PDE8B: variants seen among roughly 807,000 people sequenced by gnomAD.
The protein encoded by PDE8B is high affinity cAMP-specific and IBMX-insensitive 3',5'-cyclic phosphodiesterase 8B.
In PDE8B, 26 loss-of-function variants were observed where a neutral mutation model predicts 101.3. The observed-to-expected ratio is 0.26, with a 90% CI of 0.19 to 0.36. PDE8B has a LOEUF of 0.36. PDE8B is among the 10% of genes least tolerant of loss of function. The pLI, the probability that PDE8B is intolerant of heterozygous loss-of-function variation, is 1.00. For synonymous variants in PDE8B, 424 were observed against 429.3 expected (o/e 0.99, Z 0.15); for missense variants, 810 against 1,163.1 (o/e 0.70, Z 4.42).
chr5:77,126,080 A>G, the PDE8B span, among the ~76,000 whole-genome samples: 3 of 152,090 alleles, frequency 2.0e-5, no homozygotes, highest in Admixed American at 6.6e-5. Flanking sequence ...AGGTCAGGAG[A>G]TCGAGACCAT....
At chr5:77,308,444 A>C (rs1281559265) in intron 1 of PDE8B, among the ~76,000 whole-genome samples, 1 of 152,150 alleles carries the variant, frequency 6.6e-6, no homozygotes, top group Non-Finnish European at 1.5e-5. Flanking sequence ...TACGAGAGGC[A>C]GGGGTTTGGA....
At chr5:77,347,357 C>T (rs913886375) in intron 7 of PDE8B, among the ~76,000 whole-genome samples, 2 of 152,176 alleles carry the variant, frequency 1.3e-5, no homozygotes, top group Admixed American at 1.3e-4. Flanking sequence ...GGTGCCTTGG[C>T]TCCAGAATCC....
intron 8 of PDE8B, 23 bp downstream of exon 8, chr5:77,349,582 A>G (rs753396515): frequency 1.9e-6 from 3 of 1,613,742 alleles, no homozygotes; most frequent in Non-Finnish European, 2.5e-6. Context: ...AGCAAAACCA[A>G]TCCACGAACC....
the PDE8B span, among the ~76,000 whole-genome samples, chr5:77,107,219 A>C: frequency 6.6e-6 from 1 of 152,206 alleles, no homozygotes; most frequent in African/African-American, 2.4e-5. Flanking sequence ...TGTCCCTACA[A>C]AGGACACGAA....
intron 5 of PDE8B, among the ~76,000 whole-genome samples, chr5:77,333,557 G>T (rs552181568): frequency 2.0e-5 from 3 of 152,096 alleles, no homozygotes. Flanking sequence ...GGGTTTTATC[G>T]ATCAGGACCC....
chr5:77,341,777 G>C (rs527545809), intron 6 of PDE8B, among the ~76,000 whole-genome samples: 2 of 152,268 alleles, frequency 1.3e-5, no homozygotes, highest in South Asian at 4.2e-4. Context: ...GACAAATTTG[G>C]TAGCAGTTTT....
At chr5:77,399,659 CATTT>C (rs1204922147) in intron 10 of PDE8B, among the ~76,000 whole-genome samples, 1 of 152,150 alleles carries the variant, frequency 6.6e-6, no homozygotes, top group Non-Finnish European at 1.5e-5. Flanking sequence ...ATTTGACAGA[CATTT>C]ATTGAGCATT....
the PDE8B span, among the ~76,000 whole-genome samples, chr5:77,195,078 A>G: frequency 1.3e-5 from 2 of 152,166 alleles, no homozygotes; most frequent in African/African-American, 2.4e-5. Flanking sequence ...GAGGCTGGGT[A>G]ATTTAAGAGA....
chr5:77,122,961 A>G, the PDE8B span, among the ~76,000 whole-genome samples: 1 of 152,202 alleles, frequency 6.6e-6, no homozygotes, highest in Non-Finnish European at 1.5e-5. Context: ...ATTGTGATTC[A>G]GGGAGATGAA....
intron 1 of PDE8B, among the ~76,000 whole-genome samples, chr5:77,231,333 A>G (rs568966354): frequency 6.6e-6 from 1 of 152,200 alleles, no homozygotes; most frequent in South Asian, 2.1e-4. Context: ...TCCCCTTTCT[A>G]CTTTTCAGTT....
At chr5:77,302,109 A>G (rs1234873110) in intron 1 of PDE8B, among the ~76,000 whole-genome samples, 3 of 152,014 alleles carry the variant, frequency 2.0e-5, no homozygotes, top group African/African-American at 7.2e-5. Context: ...TTAATCTGAT[A>G]TTTGTCAGGG....
chr5:77,187,522 A>G, the PDE8B span, among the ~76,000 whole-genome samples: 1 of 152,184 alleles, frequency 6.6e-6, no homozygotes, highest in Non-Finnish European at 1.5e-5. Flanking sequence ...CAATTTTCAT[A>G]TCTTGTAGGA....
the PDE8B span, among the ~76,000 whole-genome samples, chr5:77,195,566 G>T: frequency 6.6e-6 from 1 of 151,910 alleles, no homozygotes; most frequent in Admixed American, 6.6e-5. Context: ...TGGGGGTAAG[G>T]GATGCTGACC....
chr5:77,204,753 C>T, the PDE8B span, among the ~76,000 whole-genome samples: 1 of 152,100 alleles, frequency 6.6e-6, no homozygotes, highest in African/African-American at 2.4e-5. Context: ...ACTGAGATGC[C>T]GCCTTCTTCC....
At chr5:77,337,914 A>G (rs1778494463) in intron 6 of PDE8B, among the ~76,000 whole-genome samples, 1 of 151,994 alleles carries the variant, frequency 6.6e-6, no homozygotes, top group African/African-American at 2.4e-5. Context: ...GGGCTGGGGG[A>G]TGTTCTGCTC....
At chr5:77,313,014 A>G (rs2150131846) in intron 2 of PDE8B, among the ~76,000 whole-genome samples, 1 of 152,282 alleles carries the variant, frequency 6.6e-6, no homozygotes, top group South Asian at 2.1e-4. Context: ...GGGAGTTTGT[A>G]CCCTTTTAAA....
chr5:77,230,816 C>A (rs1753416616), intron 1 of PDE8B, among the ~76,000 whole-genome samples: 2 of 152,156 alleles, frequency 1.3e-5, no homozygotes. Flanking sequence ...CACTGCCTGA[C>A]TCCAGTCTGG....
At chr5:77,094,761 G>A in the PDE8B span, among the ~76,000 whole-genome samples, 6 of 152,198 alleles carry the variant, frequency 3.9e-5, no homozygotes, top group Non-Finnish European at 7.3e-5. Context: ...AAAAGGGGAA[G>A]GGGAGCAGAC....
At chr5:77,236,375 T>A (rs1234633605) in intron 1 of PDE8B, among the ~76,000 whole-genome samples, 3 of 151,878 alleles carry the variant, frequency 2.0e-5, no homozygotes, top group Non-Finnish European at 1.5e-5. Flanking sequence ...GAAGAAGAGA[T>A]CTAAGAACTA....
Sources: allele counts gnomAD v4.1 joint callset (sites outside exome capture counted in the v4.1 genomes callset), GRCh38; gene constraint gnomAD v4.1.1; transcripts MANE v1.5; gene names NCBI Gene and HGNC (gene_info 2026-07-23, HGNC 2026-07-21).